ABHD2: variants seen among roughly 807,000 people sequenced by gnomAD.
ABHD2 encodes the protein monoacylglycerol lipase ABHD2.
Under a neutral mutation model 48.1 loss-of-function variants are expected in ABHD2, and 20 were observed. That is an observed-to-expected ratio of 0.42 (90% CI 0.29 to 0.60). The LOEUF is 0.60. Among genes scored for constraint, ABHD2 ranks in the 20% least tolerant of loss-of-function variants. The probability of loss-of-function intolerance (pLI) is 0.24; values close to 1 mark genes in which losing one functional copy is unlikely to be tolerated. For synonymous variants in ABHD2, 209 were observed against 214.2 expected (o/e 0.98, Z 0.21); for missense variants, 405 against 550.9 (o/e 0.74, Z 2.65).
At chr15:89,158,244 G>T (rs1043903059) in intron 5 of ABHD2, among the ~76,000 whole-genome samples, 1 of 152,178 alleles carries the variant, frequency 6.6e-6, no homozygotes, top group Admixed American at 6.5e-5. Context: ...GCATAGAGAG[G>T]TTAAGTGATT....
intron 1 of ABHD2, among the ~76,000 whole-genome samples, chr15:89,111,830 A>G (rs2049879990): frequency 6.6e-6 from 1 of 152,218 alleles, no homozygotes; most frequent in African/African-American, 2.4e-5. Context: ...GAAAGAGTTA[A>G]GGTATAAATA....
chr15:89,042,010 T>C, the ABHD2 span, among the ~76,000 whole-genome samples: 1 of 152,158 alleles, frequency 6.6e-6, no homozygotes, highest in Admixed American at 6.5e-5. Context: ...ATCTTATCCA[T>C]CACCATCACC....
chr15:89,071,465 CA>C, the ABHD2 span, among the ~76,000 whole-genome samples: 1 of 152,164 alleles, frequency 6.6e-6, no homozygotes, highest in Non-Finnish European at 1.5e-5. Context: ...GGCTTACATA[CA>C]GGGGAGAGTC....
chr15:89,152,924 T>C (rs1195239320), intron 4 of ABHD2, among the ~76,000 whole-genome samples: 1 of 152,244 alleles, frequency 6.6e-6, no homozygotes, highest in Non-Finnish European at 1.5e-5. Flanking sequence ...TTCTATAGTA[T>C]TCAAAAGCAA....
rs150452005 is a variant in ABHD2 at position 89,109,382 on chromosome 15, G to A, written c.-106-4343G>A. Among the ~76,000 whole-genome samples, 260 of 152,302 alleles carry A rather than the reference G, an allele frequency of 1.7e-3. 1 individual carries two copies. The highest frequency in any genetic ancestry group is 5.6e-3 in the African/African-American group (234 of 41,564). On this transcript the variant is annotated intron_variant, in intron 1 of 10. Transcript: ENST00000352732. The stretch of plus-strand genomic sequence containing the variant: ...CCTAAATCCCATTCATAAAATGGCA[G>A]GGAAGGTGTGGGCTAGCCGACAGAG...
chr15:89,129,675 G>A (rs139951667), intron 3 of ABHD2, among the ~76,000 whole-genome samples: 7 of 152,174 alleles, frequency 4.6e-5, no homozygotes, highest in African/African-American at 1.7e-4. Context: ...AGACCCACCT[G>A]GGCTCAGATG....
the ABHD2 span, among the ~76,000 whole-genome samples, chr15:89,049,584 TCTC>T: frequency 6.6e-6 from 1 of 152,200 alleles, no homozygotes; most frequent in Non-Finnish European, 1.5e-5. Flanking sequence ...TGGGTTATAA[TCTC>T]CTCGTGCGCC....
At chr15:89,062,185 A>G in the ABHD2 span, among the ~76,000 whole-genome samples, 1 of 152,214 alleles carries the variant, frequency 6.6e-6, no homozygotes, top group Admixed American at 6.5e-5. Context: ...AAAGCTGGCT[A>G]GGGTCCTGAG....
the ABHD2 span, among the ~76,000 whole-genome samples, chr15:89,076,007 A>G: frequency 6.6e-6 from 1 of 152,186 alleles, no homozygotes; most frequent in Non-Finnish European, 1.5e-5. Context: ...GGAGTAGAGG[A>G]AGAGAGAAAA....
chr15:89,122,289 C>CT (rs1191451272), intron 3 of ABHD2, among the ~76,000 whole-genome samples: 2 of 152,182 alleles, frequency 1.3e-5, no homozygotes, highest in African/African-American at 4.8e-5. Flanking sequence ...ATTTGTGTCT[C>CT]TTTTCTTTAT....
the ABHD2 span, among the ~76,000 whole-genome samples, chr15:89,059,461 T>A: frequency 1.3e-5 from 2 of 152,198 alleles, no homozygotes; most frequent in Non-Finnish European, 2.9e-5. Flanking sequence ...TTCGTTAGGT[T>A]GATCATTGGT....
chr15:89,202,045 A>G lies in ABHD2; in HGVS notation c.*6622A>G, dbSNP rs561775592. 1.2e-3 allele frequency: 451 copies of G among 363,616 alleles called. 3 individuals carry two copies. The highest frequency in any genetic ancestry group is 7.9e-3 in the African/African-American group (372 of 46,842). 22.5% of individuals were successfully genotyped at this position (363,616 alleles called of 1,614,324 possible). On this transcript the variant is annotated 3_prime_UTR_variant, in exon 11 of 11. Coordinates refer to ENST00000352732, the MANE Select transcript of ABHD2 (RefSeq NM_152924.5). ...AAACTTAAAATGCTGCCCCGAAAAT[A>G]CTATATTTTTGAGTTTGTGTTCTGA...
upstream of ABHD2, among the ~76,000 whole-genome samples, chr15:89,086,818 T>C (rs777371039): frequency 2.6e-5 from 4 of 152,240 alleles, no homozygotes; most frequent in Admixed American, 6.5e-5. Flanking sequence ...TCCAAACTGT[T>C]TTAACTCAGA....
At position 89,107,647 on chromosome 15, in the gene ABHD2, A is replaced by G. The variant is rs571429686; in HGVS notation, c.-106-6078A>G. Among the ~76,000 whole-genome samples the G allele has an allele frequency of 1.2e-4, 19 of 152,324 alleles. No homozygotes were observed. The East Asian group carries it at 3.7e-3, about 29-fold the overall frequency. ...TTTACAGATGGTGTTCAGAGGGATT[A>G]AGGAACTTGCCCCAGGACAAACACT... On this transcript the variant is annotated intron_variant, in intron 1 of 10. Coordinates refer to ENST00000352732, the MANE Select transcript of ABHD2 (RefSeq NM_152924.5).
chr15:89,183,403 A>ATG (rs1387317120), intron 6 of ABHD2: 1 of 125,238 alleles, frequency 8.0e-6, no homozygotes, highest in Non-Finnish European at 1.5e-5. Context: ...ATATATATAT[A>ATG]TATATATATA....
Position 89,196,893 on chromosome 15 carries a change from C to T in ABHD2, c.*1470C>T, listed in dbSNP as rs1428485482. ...TGTGGTACTTGAATATCCAAAAACCCTGCACTTTGAACAATCAGCTGTTGC... is the reference window on the plus strand; with the variant it reads ...TGTGGTACTTGAATATCCAAAAACCTTGCACTTTGAACAATCAGCTGTTGC... On this transcript the variant is annotated 3_prime_UTR_variant, in exon 11 of 11. Transcript: ENST00000352732. 1 of 152,654 alleles carries T rather than the reference C, an allele frequency of 6.6e-6. No homozygotes were observed. The highest frequency in any genetic ancestry group is 1.5e-5 in the Non-Finnish European group (1 of 68,036). The allele number at this position is 152,654 out of a possible 1,614,324, so 9.5% of individuals were successfully genotyped here.
At chr15:89,048,093 G>A in the ABHD2 span, among the ~76,000 whole-genome samples, 2 of 151,736 alleles carry the variant, frequency 1.3e-5, no homozygotes, top group Non-Finnish European at 2.9e-5. Flanking sequence ...GGGCAGGCCT[G>A]GTGGTGAGAA....
At chr15:89,105,736 T>C (rs1341963298) in intron 1 of ABHD2, among the ~76,000 whole-genome samples, 1 of 152,254 alleles carries the variant, frequency 6.6e-6, no homozygotes, top group African/African-American at 2.4e-5. Flanking sequence ...AGTCCCTGGC[T>C]TGAGTTAGTT....
chr15:89,129,944 C>G (rs924947847), intron 3 of ABHD2, among the ~76,000 whole-genome samples: 1 of 151,958 alleles, frequency 6.6e-6, no homozygotes, highest in Non-Finnish European at 1.5e-5. Flanking sequence ...ATAATGTACA[C>G]GAAGGTCACA....
Sources: gnomAD v4.1 joint callset for allele counts (sites outside exome capture counted in the v4.1 genomes callset) on GRCh38, gnomAD v4.1.1 for gene constraint, MANE v1.5 for transcripts, NCBI Gene and HGNC (gene_info 2026-07-23, HGNC 2026-07-21) for gene names.